Variants in NBN observed in about 807,000 individuals in gnomAD.
NBN encodes Nijmegen breakage syndrome 1 (nibrin).
In NBN, 88 loss-of-function variants were observed where a neutral mutation model predicts 90.8. The observed-to-expected ratio is 0.97, with a 90% CI of 0.82 to 1.16. The LOEUF is 1.16. Among genes scored for constraint, NBN ranks in the 50% most tolerant of loss-of-function variants. The pLI, the probability that NBN is intolerant of heterozygous loss-of-function variation, is 0.00. For missense variants in NBN, 894 were observed against 869.6 expected (o/e 1.03, Z -0.35); for synonymous variants, 328 against 295.1 (o/e 1.11, Z -1.14).
intron 8 of NBN, among the ~76,000 whole-genome samples, chr8:89,960,695 T>TTG (rs1483579125): frequency 1.3e-5 from 2 of 152,126 alleles, no homozygotes; most frequent in Non-Finnish European, 2.9e-5. Context: ...TAACTGGTGT[T>TTG]TGTTAACAGA....
At chr8:89,964,959 C>T (rs1286865283) in intron 7 of NBN, among the ~76,000 whole-genome samples, 1 of 151,942 alleles carries the variant, frequency 6.6e-6, no homozygotes, top group Non-Finnish European at 1.5e-5. Flanking sequence ...ACTAAAAATA[C>T]AAAAATTAGC....
chr8:89,939,713 C>A (rs1809854194), intron 14 of NBN, among the ~76,000 whole-genome samples: 1 of 152,180 alleles, frequency 6.6e-6, no homozygotes, highest in African/African-American at 2.4e-5. Context: ...GAAAAGGTAA[C>A]CTGAACAGGG....
chr8:89,949,714 A>G (rs1350500838), intron 11 of NBN, among the ~76,000 whole-genome samples: 2 of 152,212 alleles, frequency 1.3e-5, no homozygotes, highest in African/African-American at 4.8e-5. Context: ...ATCAACATCT[A>G]TTGGAAAGTG....
rs786203112 is a variant in NBN at position 89,937,070 on chromosome 8, T to C, written c.2190A>G (p.Gln730=). Residue 730 remains glutamine, a synonymous_variant, in exon 15 of 16, where the codon CAA becomes CAG. Coordinates refer to ENST00000265433, the MANE Select transcript of NBN (RefSeq NM_002485.5). ...GAGACTCTTCTTTTGCATGTTGATT[T>C]TGTACCTGTCAAAATTAACATAATT... ...EEWLRQEMEV[Q]NQHAKEESLA... The C allele has an allele frequency of 1.9e-6, 3 of 1,612,294 alleles. No individual in the cohort carries two copies. The African/African-American group carries it at 4.0e-5, about 22-fold the overall frequency.
chr8:89,970,637 G>T, intron 6 of NBN, 80 bp from the exon 7 acceptor site: 2 of 1,370,884 alleles, frequency 1.5e-6, no homozygotes, highest in Non-Finnish European at 2.1e-6. Context: ...GGGAAACATA[G>T]AAGTACAATT....
At chr8:89,983,002 C>T (rs780281380) in intron 1 of NBN, 147 bp from the exon 2 acceptor site, 134 of 873,902 alleles carry the variant, frequency 1.5e-4, no homozygotes, top group Non-Finnish European at 2.1e-4. Flanking sequence ...GTCAACTTTA[C>T]ATATGTCAAA....
At chr8:89,965,504 T>TC (rs993825143) in intron 7 of NBN, among the ~76,000 whole-genome samples, 2 of 151,984 alleles carry the variant, frequency 1.3e-5, no homozygotes, top group African/African-American at 4.8e-5. Context: ...TTTTTTTTTT[T>TC]CTGAGACAGA....
intron 4 of NBN, among the ~76,000 whole-genome samples, chr8:89,979,444 C>G (rs1001189774): frequency 6.6e-6 from 1 of 152,166 alleles, no homozygotes; most frequent in Non-Finnish European, 1.5e-5. Flanking sequence ...TGGGTAAACT[C>G]TAATACATGT....
intron 1 of NBN, among the ~76,000 whole-genome samples, chr8:89,983,477 C>T (rs1812173376): frequency 6.6e-6 from 1 of 151,824 alleles, no homozygotes; most frequent in East Asian, 1.9e-4. Flanking sequence ...ATAATAGGAG[C>T]TTGCCCTACC....
Position 89,953,747 on chromosome 8 carries a change from A to ACC in NBN, c.1398-58_1398-57dup, listed in dbSNP as rs974227191. ...ACAAGAAAATGAACACAGCTAAGTAACCATTTAGTTTGGCAATATTCATCA... is the reference window on the plus strand; with the variant it reads ...ACAAGAAAATGAACACAGCTAAGTAACCCCATTTAGTTTGGCAATATTCATCA... On this transcript the variant is annotated intron_variant, in intron 10 of 15. Transcript: ENST00000265433. 2.9e-6 allele frequency: 4 copies of ACC among 1,395,706 alleles called. No individual in the cohort carries two copies. In the African/African-American group the frequency reaches 5.7e-5, roughly 20 times the overall value. The allele number at this position is 1,395,706 out of a possible 1,614,324, so 86.5% of individuals were successfully genotyped here. A position where few individuals can be genotyped will look rare whatever the true frequency, so the allele number is the denominator to read the frequency against.
intron 4 of NBN, among the ~76,000 whole-genome samples, chr8:89,979,309 T>C (rs1811936203): frequency 6.6e-6 from 1 of 152,192 alleles, no homozygotes; most frequent in Non-Finnish European, 1.5e-5. Flanking sequence ...ACAGGGTATT[T>C]TATTGTCTAA....
intron 8 of NBN, among the ~76,000 whole-genome samples, chr8:89,962,927 C>G (rs998339120): frequency 6.6e-6 from 1 of 152,170 alleles, no homozygotes; most frequent in South Asian, 2.1e-4. Context: ...AATGTGATGT[C>G]GTAACAGCTT....
rs1181403100 is a variant in NBN, at chr8:89,934,796, AAAC to A, written c.*783_*785del. 1.7e-5 allele frequency: 4 copies of A among 233,018 alleles called. No individual in the cohort carries two copies. Among genetic ancestry groups the A allele is most frequent in the African/African-American group, 8.8e-5 (4 of 45,350 alleles). The allele number at this position is 233,018 out of a possible 1,614,324, so 14.4% of individuals were successfully genotyped here. A position where few individuals can be genotyped will look rare whatever the true frequency, so the allele number is the denominator to read the frequency against. On this transcript the variant is annotated 3_prime_UTR_variant, in exon 16 of 16. Coordinates refer to ENST00000265433, the MANE Select transcript of NBN (RefSeq NM_002485.5). Reference sequence around the variant, plus strand: ...CATCTCCCTTTAAGGTAGAAAAAGAAAACAATCTCACCATTTCTACTTTATAAG... The same window carrying A: ...CATCTCCCTTTAAGGTAGAAAAAGAAAATCTCACCATTTCTACTTTATAAG...
At chr8:89,944,755 T>TA (rs1214422041) in intron 13 of NBN, among the ~76,000 whole-genome samples, 14 of 152,066 alleles carry the variant, frequency 9.2e-5, no homozygotes, top group African/African-American at 3.1e-4. Context: ...TTTTTATATA[T>TA]TTTTTTGTAG....
chr8:89,973,009 G>C (rs1182848010), intron 5 of NBN, among the ~76,000 whole-genome samples: 1 of 152,216 alleles, frequency 6.6e-6, no homozygotes, highest in African/African-American at 2.4e-5. Context: ...CTGTAGCTTA[G>C]TTCGATGAAG....
At chr8:89,983,055 A>C (rs1812152994) in intron 1 of NBN, among the ~76,000 whole-genome samples, 200 bp from the exon 2 acceptor site, 1 of 152,202 alleles carries the variant, frequency 6.6e-6, no homozygotes, top group Admixed American at 6.5e-5. Context: ...ATCAAAGGTT[A>C]TCTAACTATG....
At chr8:89,944,685 C>T (rs1466383694) in intron 13 of NBN, among the ~76,000 whole-genome samples, 2 of 152,172 alleles carry the variant, frequency 1.3e-5, no homozygotes, top group African/African-American at 4.8e-5. Flanking sequence ...TCAAATGATC[C>T]TTCAACTTCA....
At chr8:89,955,051 T>C (rs1408270957) in intron 10 of NBN, among the ~76,000 whole-genome samples, 1 of 151,970 alleles carries the variant, frequency 6.6e-6, no homozygotes, top group African/African-American at 2.4e-5. Flanking sequence ...TGAAGAGAAT[T>C]GCGGCAAGTA....
At chr8:89,973,852 T>A (rs1047263156) in intron 5 of NBN, among the ~76,000 whole-genome samples, 1 of 152,054 alleles carries the variant, frequency 6.6e-6, no homozygotes, top group African/African-American at 2.4e-5. Context: ...TGATCTCCAA[T>A]TTCTATCATT....
Sources: gnomAD v4.1 joint callset for allele counts (sites outside exome capture counted in the v4.1 genomes callset) on GRCh38, gnomAD v4.1.1 for gene constraint, MANE v1.5 for transcripts, NCBI Gene and HGNC (gene_info 2026-07-23, HGNC 2026-07-21) for gene names.